The following TAX1BP1 variants were observed in gnomAD, a reference collection of about 807,000 sequenced individuals.
The protein encoded by TAX1BP1 is tax1-binding protein 1.
Under a neutral mutation model 97.7 loss-of-function variants are expected in TAX1BP1, and 62 were observed. The observed-to-expected ratio is 0.63, with a 90% CI of 0.52 to 0.78. TAX1BP1 has a LOEUF of 0.78. TAX1BP1 is among the 30% of genes least tolerant of loss of function. TAX1BP1 has a pLI of 0.00. For missense variants in TAX1BP1, 867 were observed against 916.1 expected (o/e 0.95, Z 0.69); for synonymous variants, 340 against 304.2 (o/e 1.12, Z -1.23).
At chr7:27,776,946 ATTTT>A in intron 5 of TAX1BP1, among the ~76,000 whole-genome samples, 1 of 151,234 alleles carries the variant, frequency 6.6e-6, no homozygotes, top group East Asian at 2.0e-4. Context: ...GTATATATAT[ATTTT>A]TTATCTCAGA....
chr7:27,817,174 T>A, intron 15 of TAX1BP1, 136 bp downstream of exon 15: 4 of 1,025,898 alleles, frequency 3.9e-6, no homozygotes, highest in Non-Finnish European at 5.4e-6. Context: ...TGCTTGTGCC[T>A]GCACACAATT....
intron 3 of TAX1BP1, among the ~76,000 whole-genome samples, chr7:27,760,281 C>G (rs1485996799): frequency 6.6e-6 from 1 of 152,034 alleles, no homozygotes; most frequent in Admixed American, 6.5e-5. Context: ...CCAAACTATA[C>G]TAAAATATTT....
chr7:27,826,426 C>A (rs144721705), intron 15 of TAX1BP1, among the ~76,000 whole-genome samples: 1 of 152,234 alleles, frequency 6.6e-6, no homozygotes, highest in East Asian at 1.9e-4. Flanking sequence ...GCACTTCACA[C>A]CATATATACT....
chr7:27,741,788 A>G (rs1787616402), intron 1 of TAX1BP1, among the ~76,000 whole-genome samples: 2 of 152,186 alleles, frequency 1.3e-5, no homozygotes, highest in Non-Finnish European at 2.9e-5. Flanking sequence ...CGTTCAGCAT[A>G]TGGAGGATCC....
chr7:27,810,540 T>G (rs1453667463), intron 13 of TAX1BP1, among the ~76,000 whole-genome samples: 1 of 152,220 alleles, frequency 6.6e-6, no homozygotes, highest in African/African-American at 2.4e-5. Flanking sequence ...ATTGTTTTGC[T>G]AGATTAACCT....
chr7:27,748,539 A>C lies in TAX1BP1; in HGVS notation c.15A>C (p.Gln5His). The change falls in exon 2 of 17, where the codon CAA becomes CAC. Residue 5 changes from glutamine (Q) to histidine (H), a missense_variant. By Grantham distance (24) the Gln-to-His change is conservative. Transcript: ENST00000396319. MTSF[Q>H]EVPLQTSNFA... is the part of the protein sequence containing the mutation. ...TCAGATTCACAATGACATCCTTTCA[A>C]GAAGTCCCATTGCAGACTTCCAACT... 1 of 1,592,824 alleles carries C rather than the reference A, an allele frequency of 6.3e-7. No individual in the cohort carries two copies. Among genetic ancestry groups the C allele is most frequent in the South Asian group, 1.2e-5 (1 of 86,396 alleles).
At chr7:27,804,859 C>G (rs1790273028) in intron 13 of TAX1BP1, among the ~76,000 whole-genome samples, 1 of 152,166 alleles carries the variant, frequency 6.6e-6, no homozygotes, top group Non-Finnish European at 1.5e-5. Flanking sequence ...TAGAAATCCT[C>G]CATCTTTTTT....
Position 27,799,512 on chromosome 7 carries a change from A to G in TAX1BP1, c.1639-453A>G, listed in dbSNP as rs569705217. Among the ~76,000 whole-genome samples, 28 of 152,252 alleles carry G rather than the reference A, an allele frequency of 1.8e-4. No homozygotes were observed. The South Asian group carries it at 3.7e-3, about 20-fold the overall frequency. ...CAAAAGTAATATATACTTATTGTGA[A>G]ATGTTGTAGTGTTCCAGAAATGAAG... On this transcript the variant is annotated intron_variant, in intron 12 of 16. Transcript: ENST00000396319.
chr7:27,791,359 A>G (rs1391195813), intron 8 of TAX1BP1, among the ~76,000 whole-genome samples: 1 of 152,216 alleles, frequency 6.6e-6, no homozygotes, highest in African/African-American at 2.4e-5. Context: ...ATGTTTAAAC[A>G]TTAATATTAA....
At chr7:27,789,403 T>C (rs1167783664) in intron 8 of TAX1BP1, among the ~76,000 whole-genome samples, 2 of 151,982 alleles carry the variant, frequency 1.3e-5, no homozygotes, top group African/African-American at 4.8e-5. Context: ...CTCTTCCTTG[T>C]TTTTTTAAAC....
At chr7:27,784,951 C>G (rs1351982594) in intron 5 of TAX1BP1, among the ~76,000 whole-genome samples, 2 of 151,814 alleles carry the variant, frequency 1.3e-5, no homozygotes, top group Non-Finnish European at 2.9e-5. Flanking sequence ...AAGTGAGACC[C>G]CAAACAAAAA....
At chr7:27,783,823 C>G (rs2128315687) in intron 5 of TAX1BP1, among the ~76,000 whole-genome samples, 1 of 152,202 alleles carries the variant, frequency 6.6e-6, no homozygotes, top group East Asian at 1.9e-4. Context: ...TATAAATCAA[C>G]AAGACAAATC....
At chr7:27,795,231 T>TC (rs1789874873) in intron 11 of TAX1BP1, among the ~76,000 whole-genome samples, 1 of 152,204 alleles carries the variant, frequency 6.6e-6, no homozygotes, top group Non-Finnish European at 1.5e-5. Flanking sequence ...TTTCCATGTA[T>TC]CCTCTGTAGT....
chr7:27,789,828 A>G (rs1238370807), intron 8 of TAX1BP1, among the ~76,000 whole-genome samples: 2 of 152,000 alleles, frequency 1.3e-5, no homozygotes, highest in African/African-American at 4.8e-5. Flanking sequence ...TTACTTTTTA[A>G]TGTAACAGAT....
chr7:27,748,709 T>G, intron 2 of TAX1BP1, 23 bp downstream of exon 2: 1 of 1,482,394 alleles, frequency 6.7e-7, no homozygotes, highest in Non-Finnish European at 9.0e-7. Context: ...TCTGAATATG[T>G]TCTCCATGTA....
At chr7:27,747,099 T>C (rs1048998829) in intron 1 of TAX1BP1, among the ~76,000 whole-genome samples, 1 of 152,184 alleles carries the variant, frequency 6.6e-6, no homozygotes, top group African/African-American at 2.4e-5. Flanking sequence ...TTAGATTAAT[T>C]TGGTTAGCAA....
intron 5 of TAX1BP1, among the ~76,000 whole-genome samples, chr7:27,781,379 C>CT (rs750035541): frequency 1.3e-5 from 2 of 152,154 alleles, no homozygotes; most frequent in Non-Finnish European, 2.9e-5. Context: ...CGCACCTAGG[C>CT]TATATGGTAT....
chr7:27,786,407 C>A (rs543131193), intron 7 of TAX1BP1, among the ~76,000 whole-genome samples: 2 of 152,272 alleles, frequency 1.3e-5, no homozygotes, highest in Admixed American at 1.3e-4. Flanking sequence ...AGGCGTGAGC[C>A]GCCGTGCCTG....
At position 27,748,577 on chromosome 7, in the gene TAX1BP1, T is replaced by C. The variant is rs754257315; in HGVS notation, c.53T>C (p.Ile18Thr). 6 of 1,605,678 alleles carry C rather than the reference T, an allele frequency of 3.7e-6. No individual in the cohort carries two copies. In the African/African-American group the frequency reaches 8.0e-5, roughly 21 times the overall value. ...CAGACTTCCAACTTTGCCCATGTCATCTTTCAAAATGTGGCCAAGAGTTAC... is the reference window on the plus strand; with the variant it reads ...CAGACTTCCAACTTTGCCCATGTCACCTTTCAAAATGTGGCCAAGAGTTAC... ...PLQTSNFAHV[I>T]FQNVAKSYLP... Residue 18 changes from isoleucine (I) to threonine (T), a missense_variant, in exon 2 of 17, where the codon ATC becomes ACC. By Grantham distance (89) the Ile-to-Thr change is moderately conservative. Coordinates refer to ENST00000396319, the MANE Select transcript of TAX1BP1 (RefSeq NM_006024.7).
Sources: allele counts gnomAD v4.1 joint callset (sites outside exome capture counted in the v4.1 genomes callset), GRCh38; gene constraint gnomAD v4.1.1; transcripts MANE v1.5; gene names NCBI Gene and HGNC (gene_info 2026-07-23, HGNC 2026-07-21).